The following KIF15 variants were observed in gnomAD, a reference collection of about 807,000 sequenced individuals.
The protein encoded by KIF15 is kinesin family member 15.
In KIF15, 140 loss-of-function variants were observed where a neutral mutation model predicts 190.6. The observed-to-expected ratio is 0.73, with a 90% CI of 0.64 to 0.84. The LOEUF (loss-of-function observed/expected upper bound fraction) is 0.84. KIF15 is among the 40% of genes least tolerant of loss of function. The pLI, the probability that KIF15 is intolerant of heterozygous loss-of-function variation, is 0.00. For synonymous variants in KIF15, 528 were observed against 551.3 expected (o/e 0.96, Z 0.59); for missense variants, 1,372 against 1,584.4 (o/e 0.87, Z 2.28).
chr3:44,829,666 A>G (rs1341009216), intron 24 of KIF15, among the ~76,000 whole-genome samples: 6 of 131,736 alleles, frequency 4.6e-5, no homozygotes, highest in African/African-American at 1.7e-4. Flanking sequence ...TATTATGTAT[A>G]TATAATATAT....
rs760034627 is a variant in KIF15, at chr3:44,843,216, A to G, written c.3677A>G (p.Lys1226Arg). ...CTGCAAGGTCAGCTGGATGATATTA[A>G]AAGACAAAAGGAAAACAGGTGAGAA... is the stretch of plus-strand genomic sequence containing the variant. ...WLLQGQLDDI[K>R]RQKENSDQNH... Residue 1226 changes from lysine to arginine, a missense_variant, in exon 30 of 35, where the codon AAA (lysine) becomes AGA (arginine). Transcript: ENST00000326047. The G allele has an allele frequency of 6.2e-7, 1 of 1,612,292 alleles. No individual in the cohort carries two copies. The highest frequency in any genetic ancestry group is 1.1e-5 in the South Asian group (1 of 90,940).
chr3:44,779,001 A>AAAC (rs60293095), intron 4 of KIF15, among the ~76,000 whole-genome samples: 1 of 147,076 alleles, frequency 6.8e-6, no homozygotes, highest in Non-Finnish European at 1.5e-5. Flanking sequence ...AAAAAAAAAA[A>AAAC]CCAAAACAAA....
At position 44,794,407 on chromosome 3, in the gene KIF15, C is replaced by T. The variant is rs1352533965; in HGVS notation, c.830C>T (p.Ala277Val). ...AGSERQKDTH[A>V]EGMRLKEAGN... The stretch of plus-strand genomic sequence containing the variant: ...TCTGAAAGGCAAAAAGATACCCATG[C>T]AGAAGGGATGAGATTGAAGGTAAGA... The change falls in exon 8 of 35, where the codon GCA becomes GTA. Residue 277 changes from alanine (A) to valine (V), a missense_variant. Physicochemically the swap from Ala to Val is moderately conservative, Grantham distance 64 (BLOSUM62 0). Coordinates refer to ENST00000326047, the MANE Select transcript of KIF15 (RefSeq NM_020242.3). The T allele has an allele frequency of 3.1e-6, 5 of 1,603,862 alleles. No individual in the cohort carries two copies. Among genetic ancestry groups the T allele is most frequent in the African/African-American group, 1.3e-5 (1 of 74,546 alleles).
chr3:44,815,080 G>C lies in KIF15; in HGVS notation c.2549+4G>C. 6.4e-7 allele frequency: 1 copy of C among 1,567,162 alleles called. No homozygotes were observed. Among genetic ancestry groups the C allele is most frequent in the Non-Finnish European group, 8.6e-7 (1 of 1,158,588 alleles). ...AGCTTCAATTAGATAATCTCAGGTA[G>C]AGTTGTTCTTTTATGGTTTCAAGTT... is the stretch of plus-strand genomic sequence containing the variant. On this transcript the variant is annotated splice_donor_region_variant and intron_variant, in intron 20 of 34. Coordinates refer to ENST00000326047, the MANE Select transcript of KIF15 (RefSeq NM_020242.3).
rs1278049489 is a variant in KIF15, at chr3:44,821,970, G to A, written c.2550-4069G>A. Among the ~76,000 whole-genome samples, 5 of 152,216 alleles carry A rather than the reference G, an allele frequency of 3.3e-5. No homozygotes were observed. The South Asian group carries it at 8.3e-4, about 25-fold the overall frequency. Reference sequence around the variant, plus strand: ...AACCCCGTCTCCACCAAAAAAATACGAAAACCAGTCAGGCGTGGCGGTGCG... The same window carrying A: ...AACCCCGTCTCCACCAAAAAAATACAAAAACCAGTCAGGCGTGGCGGTGCG... On this transcript the variant is annotated intron_variant, in intron 20 of 34. Transcript: ENST00000326047.
chr3:44,776,295 G>A (rs1407853658), intron 3 of KIF15, among the ~76,000 whole-genome samples: 1 of 148,996 alleles, frequency 6.7e-6, no homozygotes, highest in Non-Finnish European at 1.5e-5. Flanking sequence ...AGTGGCACAT[G>A]CCTGTTATCC....
At chr3:44,764,202 A>G (rs1038072982) in intron 1 of KIF15, among the ~76,000 whole-genome samples, 1 of 152,188 alleles carries the variant, frequency 6.6e-6, no homozygotes, top group Non-Finnish European at 1.5e-5. Flanking sequence ...TGTAACCACC[A>G]TCCAGATCAA....
At chr3:44,789,640 TTTTATATATATATATATATATATA>T (rs1219039028) in intron 7 of KIF15, among the ~76,000 whole-genome samples, 4 of 79,886 alleles carry the variant, frequency 5.0e-5, no homozygotes, top group African/African-American at 2.0e-4. Flanking sequence ...TTTTGTCTAA[TTTTATATATATATATATATATATA>T]TATATATATA....
chr3:44,819,376 G>A (rs1271507070), intron 20 of KIF15, among the ~76,000 whole-genome samples: 1 of 152,098 alleles, frequency 6.6e-6, no homozygotes, highest in African/African-American at 2.4e-5. Context: ...TCTCCTGTGG[G>A]CATTTAGTGC....
At chr3:44,772,878 T>G (rs771892943) in intron 1 of KIF15, among the ~76,000 whole-genome samples, 2 of 152,054 alleles carry the variant, frequency 1.3e-5, no homozygotes, top group Non-Finnish European at 2.9e-5. Flanking sequence ...TCCAAGGACA[T>G]AAAACAAGAT....
At chr3:44,800,186 TG>T (rs1328982885) in intron 10 of KIF15, 127 bp from the exon 11 acceptor site, 13 of 792,784 alleles carry the variant, frequency 1.6e-5, no homozygotes, top group Non-Finnish European at 2.0e-6. Context: ...TGTGTCCTTT[TG>T]ACTATGATGT....
At chr3:44,845,732 G>T (rs997600882) in intron 30 of KIF15, among the ~76,000 whole-genome samples, 11 of 152,000 alleles carry the variant, frequency 7.2e-5, no homozygotes, top group Non-Finnish European at 1.3e-4. Flanking sequence ...ATTCCTGCAG[G>T]TCCCACATGC....
intron 30 of KIF15, among the ~76,000 whole-genome samples, chr3:44,846,757 G>A (rs954927397): frequency 8.1e-5 from 11 of 136,004 alleles, no homozygotes; most frequent in Non-Finnish European, 1.7e-4. Context: ...CTGGGACAGA[G>A]TAGGACTCTG....
At chr3:44,858,125 C>G (rs139399419), downstream of KIF15, among the ~76,000 whole-genome samples, 7 of 151,740 alleles carry the variant, frequency 4.6e-5, no homozygotes, top group Non-Finnish European at 7.4e-5. Flanking sequence ...GAGGCTGGGA[C>G]GAGGGGTGTA....
At chr3:44,849,554 T>G (rs1435046678) in intron 32 of KIF15, among the ~76,000 whole-genome samples, 3 of 152,178 alleles carry the variant, frequency 2.0e-5, no homozygotes, top group Admixed American at 2.0e-4. Flanking sequence ...TTTGCTACTT[T>G]CTGTTTAAGA....
chr3:44,781,067 G>C (rs1021192437), intron 5 of KIF15, 145 bp downstream of exon 5: 2 of 672,298 alleles, frequency 3.0e-6, no homozygotes, highest in Admixed American at 2.6e-5. Context: ...GCCAAGTTGT[G>C]AGTTCTTTGC....
At chr3:44,784,499 T>C (rs1214781967) in intron 5 of KIF15, among the ~76,000 whole-genome samples, 1 of 152,178 alleles carries the variant, frequency 6.6e-6, no homozygotes, top group African/African-American at 2.4e-5. Context: ...CTATGTGATA[T>C]TTATTACCAT....
chr3:44,799,424 G>T, intron 10 of KIF15: 1 of 442,138 alleles, frequency 2.3e-6, no homozygotes, highest in South Asian at 1.6e-5. Context: ...GCTGTCACAG[G>T]GTGTTTTTTC....
chr3:44,799,561 C>CT lies in KIF15; in HGVS notation c.1099-738dup, dbSNP rs749598603. On this transcript the variant is annotated intron_variant, in intron 10 of 34. Coordinates refer to ENST00000326047, the MANE Select transcript of KIF15 (RefSeq NM_020242.3). Reference sequence around the variant, plus strand: ...AAGCTTTATTTTTTTAATTAATCAACTTTTTTTTTTTTTTTGAGATAGAGT... The same window carrying CT: ...AAGCTTTATTTTTTTAATTAATCAACTTTTTTTTTTTTTTTTGAGATAGAGT... 8.1e-3 allele frequency among the ~76,000 whole-genome samples: 1,132 copies of CT among 140,338 alleles called. 8 individuals carry two copies. The highest frequency in any genetic ancestry group is 0.021 in the African/African-American group (824 of 38,480). The allele number at this position is 140,338 out of a possible 152,430, so 92.1% of individuals were successfully genotyped here. A position where few individuals can be genotyped will look rare whatever the true frequency, so the allele number is the denominator to read the frequency against.
Sources: gnomAD v4.1 joint callset for allele counts (sites outside exome capture counted in the v4.1 genomes callset) on GRCh38, gnomAD v4.1.1 for gene constraint, MANE v1.5 for transcripts, NCBI Gene and HGNC (gene_info 2026-07-23, HGNC 2026-07-21) for gene names.